IRAK2: variants seen among roughly 807,000 people sequenced by gnomAD.
IRAK2 encodes interleukin 1 receptor associated kinase 2.
In IRAK2, 57 loss-of-function variants were observed where a neutral mutation model predicts 72.0. The observed-to-expected ratio is 0.79, with a 90% CI of 0.64 to 0.99. The LOEUF (loss-of-function observed/expected upper bound fraction) is 0.99, where lower values mean the gene tolerates loss of function less well. Among genes scored for constraint, IRAK2 ranks in the 50% least tolerant of loss-of-function variants. IRAK2 has a pLI of 0.00. For missense variants in IRAK2, 790 were observed against 794.4 expected (o/e 0.99, Z 0.07); for synonymous variants, 293 against 312.7 (o/e 0.94, Z 0.67).
chr3:10,216,201 T>C (rs527743795), intron 6 of IRAK2, among the ~76,000 whole-genome samples: 2 of 152,212 alleles, frequency 1.3e-5, no homozygotes, highest in South Asian at 4.1e-4. Flanking sequence ...ACTGATTTGA[T>C]ACGGGAGATA....
At chr3:10,215,751 T>TATACAC in intron 6 of IRAK2, among the ~76,000 whole-genome samples, 1 of 150,126 alleles carries the variant, frequency 6.7e-6, no homozygotes, top group African/African-American at 2.4e-5. Flanking sequence ...CTCACATGTG[T>TATACAC]ACACACACAC....
chr3:10,169,442 G>T (rs9861384), intron 1 of IRAK2, among the ~76,000 whole-genome samples: 1 of 152,076 alleles, frequency 6.6e-6, no homozygotes, highest in Non-Finnish European at 1.5e-5. Context: ...GACCTACCCC[G>T]GGAATGCGTT....
intron 12 of IRAK2, among the ~76,000 whole-genome samples, chr3:10,240,652 C>T (rs1698043771): frequency 2.8e-5 from 4 of 141,656 alleles, no homozygotes; most frequent in Admixed American, 7.4e-5. Context: ...CTCCGCCTCC[C>T]GGGTTCAAGT....
intron 3 of IRAK2, among the ~76,000 whole-genome samples, chr3:10,202,283 C>A (rs1181072081): frequency 6.6e-6 from 1 of 152,168 alleles, no homozygotes; most frequent in Non-Finnish European, 1.5e-5. Flanking sequence ...AGGTAATAGG[C>A]ATAGCAGTTC....
chr3:10,219,196 C>T (rs1697649879), intron 7 of IRAK2, among the ~76,000 whole-genome samples: 16 of 152,148 alleles, frequency 1.1e-4, no homozygotes, highest in Admixed American at 1.0e-3. Flanking sequence ...GTCTCAAAAC[C>T]AGCAAACACA....
Position 10,209,657 on chromosome 3 carries a change from T to C in IRAK2, c.493T>C (p.Leu165=), listed in dbSNP as rs767217049. The C allele has an allele frequency of 1.3e-6, 2 of 1,563,318 alleles. No homozygotes were observed. The highest frequency in any genetic ancestry group is 5.0e-5 in the East Asian group (2 of 40,390). Residue 165 remains leucine, a synonymous_variant, in exon 4 of 13, where the codon TTG becomes CTG. Transcript: ENST00000256458. ...QPPEEDAPHS[L]RSDLPTSSDS... ...TCCTGAAGAAGATGCCCCTCATTCC[T>C]TGAGAAGCGACCTCCCCACTTCGTC...
At position 10,207,092 on chromosome 3, in the gene IRAK2, T is replaced by G. The variant is rs191744717; in HGVS notation, c.425-2497T>G. ...GGTCTTAAACTCTTTTTGTTTGTTTTTTTGTTTGTTTGTTTTGAAGTGGAG... is the reference window on the plus strand; with the variant it reads ...GGTCTTAAACTCTTTTTGTTTGTTTGTTTGTTTGTTTGTTTTGAAGTGGAG... On this transcript the variant is annotated intron_variant, in intron 3 of 12. Coordinates refer to ENST00000256458, the MANE Select transcript of IRAK2 (RefSeq NM_001570.4). Among the ~76,000 whole-genome samples, 239 of 151,022 alleles carry G rather than the reference T, an allele frequency of 1.6e-3. 6 individuals carry two copies. In the South Asian group the frequency reaches 0.041, roughly 26 times the overall value.
At chr3:10,218,034 C>T (rs751903274) in intron 7 of IRAK2, among the ~76,000 whole-genome samples, 1 of 152,150 alleles carries the variant, frequency 6.6e-6, no homozygotes, top group Non-Finnish European at 1.5e-5. Context: ...ACATTGGGTT[C>T]GTCTGGCTCT....
chr3:10,203,339 G>A (rs1269980766), intron 3 of IRAK2, among the ~76,000 whole-genome samples: 2 of 152,192 alleles, frequency 1.3e-5, no homozygotes, highest in Non-Finnish European at 2.9e-5. Context: ...ATGTGCCCAG[G>A]CAGGTCAAGA....
chr3:10,242,912 C>G lies in IRAK2; in HGVS notation c.*684C>G, dbSNP rs984188201. The G allele has an allele frequency of 7.2e-5, 11 of 152,264 alleles. No homozygotes were observed. Among genetic ancestry groups the G allele is most frequent in the African/African-American group, 2.7e-4 (11 of 41,470 alleles). The allele number at this position is 152,264 out of a possible 1,614,324, so 9.4% of individuals were successfully genotyped here. ...AGCGAAGAGCTCTGCAGGCTTTCCA[C>G]TGCCTGTATTGGAAATCTTGCAATT... On this transcript the variant is annotated 3_prime_UTR_variant, in exon 13 of 13. Transcript: ENST00000256458.
chr3:10,169,746 T>G (rs1696765975), intron 1 of IRAK2, among the ~76,000 whole-genome samples: 1 of 152,198 alleles, frequency 6.6e-6, no homozygotes. Flanking sequence ...ATACAGTTAA[T>G]GCAATCATCA....
rs1697552564 is a variant in IRAK2, at chr3:10,213,305, C to T, written c.627C>T (p.Asp209=). ...SEADVVQATD[D]FNQNRKISQG... is the part of the protein sequence containing the mutation. ...CAGACGTGGTCCAGGCAACCGATGA[C>T]TTCAATCAAAACCGCAAAATCAGCC... Residue 209 remains aspartate (D), a synonymous_variant, in exon 5 of 13, where the codon GAC becomes GAT. Transcript: ENST00000256458. The T allele has an allele frequency of 6.2e-7, 1 of 1,614,050 alleles. No homozygotes were observed. Among genetic ancestry groups the T allele is most frequent in the Non-Finnish European group, 8.5e-7 (1 of 1,180,040 alleles).
At chr3:10,187,954 C>A (rs149130864) in intron 2 of IRAK2, among the ~76,000 whole-genome samples, 1 of 152,058 alleles carries the variant, frequency 6.6e-6, no homozygotes, top group Non-Finnish European at 1.5e-5. Flanking sequence ...TGGGGCTTAA[C>A]GATGAGAGGC....
At position 10,208,528 on chromosome 3, in the gene IRAK2, C is replaced by T. The variant is rs575345644; in HGVS notation, c.425-1061C>T. ...CCTGTAATCCCAGCACTTTGGGAAGCCAAGGTGGGCAGATCACGAGTTCAG... is the reference window on the plus strand; with the variant it reads ...CCTGTAATCCCAGCACTTTGGGAAGTCAAGGTGGGCAGATCACGAGTTCAG... On this transcript the variant is annotated intron_variant, in intron 3 of 12. Transcript: ENST00000256458. Among the ~76,000 whole-genome samples the T allele has an allele frequency of 7.9e-5, 12 of 151,924 alleles. No individual in the cohort carries two copies. The South Asian group carries it at 2.5e-3, about 32-fold the overall frequency.
chr3:10,193,658 A>G (rs911692103), intron 2 of IRAK2, among the ~76,000 whole-genome samples: 3 of 152,194 alleles, frequency 2.0e-5, no homozygotes, highest in Non-Finnish European at 4.4e-5. Flanking sequence ...TCTGTCTGAG[A>G]ACTGCCGTGT....
At chr3:10,228,860 C>T (rs113284120) in intron 10 of IRAK2, among the ~76,000 whole-genome samples, 13 of 152,062 alleles carry the variant, frequency 8.5e-5, no homozygotes, top group South Asian at 6.2e-4. Context: ...CCCTCTGACA[C>T]GGCAGTTCCA....
At chr3:10,222,204 TTC>T (rs902770772) in intron 8 of IRAK2, among the ~76,000 whole-genome samples, 2 of 152,128 alleles carry the variant, frequency 1.3e-5, no homozygotes, top group African/African-American at 4.8e-5. Context: ...GAATTTTTTT[TTC>T]TTTCTTTTTT....
chr3:10,204,045 A>C (rs1697401885), intron 3 of IRAK2, among the ~76,000 whole-genome samples: 1 of 152,260 alleles, frequency 6.6e-6, no homozygotes. Context: ...ACAAAGCCTT[A>C]GCTGTAGGAG....
intron 11 of IRAK2, among the ~76,000 whole-genome samples, chr3:10,238,154 G>A (rs529943973): frequency 6.6e-6 from 1 of 152,214 alleles, no homozygotes; most frequent in East Asian, 1.9e-4. Flanking sequence ...ATATGAATGA[G>A]TGAATTAGCG....
Sources: gnomAD v4.1 joint callset for allele counts (sites outside exome capture counted in the v4.1 genomes callset) on GRCh38, gnomAD v4.1.1 for gene constraint, MANE v1.5 for transcripts, NCBI Gene and HGNC (gene_info 2026-07-23, HGNC 2026-07-21) for gene names.